OCA2: variants seen among roughly 807,000 people sequenced by gnomAD.
OCA2 encodes the protein OCA2 melanosomal transmembrane protein, also known as P protein.
Under a neutral mutation model 100.2 loss-of-function variants are expected in OCA2, and 77 were observed. The ratio of observed to expected loss-of-function variants is 0.77; its 90% CI spans 0.64 to 0.93. OCA2 has a LOEUF of 0.93. Ranked by LOEUF, OCA2 falls within the 40% of genes least tolerant of loss-of-function variation. OCA2 has a pLI of 0.00. For missense variants in OCA2, 1,062 were observed against 1,089.1 expected (o/e 0.98, Z 0.35); for synonymous variants, 432 against 439.2 (o/e 0.98, Z 0.21).
intron 9 of OCA2, among the ~76,000 whole-genome samples, chr15:27,999,566 T>C (rs2041862710): frequency 1.3e-5 from 2 of 152,196 alleles, no homozygotes; most frequent in South Asian, 4.1e-4. Flanking sequence ...AAGACAAGGA[T>C]GCTCACTCTC....
Position 27,913,890 on chromosome 15 carries a change from A to G in OCA2, c.2079+12237T>C, listed in dbSNP as rs1393656259. 5.9e-3 allele frequency among the ~76,000 whole-genome samples: 309 copies of G among 52,082 alleles called. 51 individuals are homozygous for G. The East Asian group carries it at 0.2, about 34-fold the overall frequency. The allele number at this position is 52,082 out of a possible 152,430, so 34.2% of individuals were successfully genotyped here. ...AAGAAAGAAAGAAAGAAAGAAAGAA[A>G]GAAAGCAAGCAAGCAAGCAAGCAAG... On this transcript the variant is annotated intron_variant, in intron 19 of 23. Transcript: ENST00000354638.
chr15:28,050,337 T>A (rs1348517924), intron 2 of OCA2, among the ~76,000 whole-genome samples: 1 of 151,506 alleles, frequency 6.6e-6, no homozygotes, highest in African/African-American at 2.4e-5. Flanking sequence ...GGCAAGCAGA[T>A]CACCTGAGGT....
At chr15:28,027,113 T>C (rs2042772976) in intron 4 of OCA2, among the ~76,000 whole-genome samples, 1 of 152,198 alleles carries the variant, frequency 6.6e-6, no homozygotes, top group Admixed American at 6.5e-5. Flanking sequence ...CCCTTTCAAA[T>C]GAACGGGCGC....
At chr15:28,073,703 A>G (rs1189182515) in intron 2 of OCA2, among the ~76,000 whole-genome samples, 3 of 152,200 alleles carry the variant, frequency 2.0e-5, no homozygotes, top group Non-Finnish European at 4.4e-5. Flanking sequence ...AACATCACAT[A>G]ATATTCTCAT....
At chr15:27,730,902 G>C in the OCA2 span, among the ~76,000 whole-genome samples, 1 of 151,774 alleles carries the variant, frequency 6.6e-6, no homozygotes, top group East Asian at 1.9e-4. Flanking sequence ...GTGAGTTTTA[G>C]ACTGTTTTTC....
At chr15:27,840,681 AC>A (rs1288785271) in intron 23 of OCA2, among the ~76,000 whole-genome samples, 2 of 152,202 alleles carry the variant, frequency 1.3e-5, no homozygotes, top group African/African-American at 4.8e-5. Context: ...ATTGCACCAA[AC>A]GGTGCTAGAG....
chr15:28,085,288 C>T (rs1285708175), intron 1 of OCA2, among the ~76,000 whole-genome samples: 1 of 152,172 alleles, frequency 6.6e-6, no homozygotes, highest in Non-Finnish European at 1.5e-5. Context: ...CAGCTGCTGC[C>T]TCTGCCTCTT....
chr15:27,859,374 TAAAAG>T (rs966559197), intron 21 of OCA2, among the ~76,000 whole-genome samples: 3 of 152,060 alleles, frequency 2.0e-5, no homozygotes, highest in African/African-American at 7.2e-5. Context: ...AAAAGGATTA[TAAAAG>T]AAAACTATAA....
intron 19 of OCA2, among the ~76,000 whole-genome samples, chr15:27,884,839 G>C (rs777305565): frequency 5.3e-5 from 8 of 152,102 alleles, no homozygotes; most frequent in Non-Finnish European, 1.0e-4. Context: ...TGCTAAGGGA[G>C]TATTTTCTCT....
chr15:27,900,941 C>T (rs559039653), intron 19 of OCA2, among the ~76,000 whole-genome samples: 4 of 152,274 alleles, frequency 2.6e-5, no homozygotes, highest in Middle Eastern at 3.4e-3. Flanking sequence ...GTCAGGGGAA[C>T]GTGGCATTAA....
intron 23 of OCA2, among the ~76,000 whole-genome samples, chr15:27,805,370 C>T (rs1566977317): frequency 6.6e-6 from 1 of 152,230 alleles, no homozygotes; most frequent in Admixed American, 6.5e-5. Context: ...GGCTGGGCTG[C>T]GAGGCAGCGA....
intron 19 of OCA2, among the ~76,000 whole-genome samples, chr15:27,890,066 T>C (rs2037392253): frequency 1.3e-5 from 2 of 152,316 alleles, no homozygotes; most frequent in African/African-American, 4.8e-5. Flanking sequence ...AGCTTCTTGA[T>C]ATGCACTCAA....
At chr15:27,771,625 G>C (rs2031874868) in intron 23 of OCA2, among the ~76,000 whole-genome samples, 1 of 152,188 alleles carries the variant, frequency 6.6e-6, no homozygotes, top group African/African-American at 2.4e-5. Context: ...AGTATCCATT[G>C]GTTCCACTAG....
intron 9 of OCA2, among the ~76,000 whole-genome samples, chr15:28,009,288 T>A (rs1212282479): frequency 6.6e-6 from 1 of 152,208 alleles, no homozygotes; most frequent in Admixed American, 6.5e-5. Context: ...CTATAAAAAA[T>A]TTATATTTGC....
chr15:27,941,873 G>C (rs2140502064), intron 18 of OCA2, among the ~76,000 whole-genome samples: 1 of 152,270 alleles, frequency 6.6e-6, no homozygotes, highest in Non-Finnish European at 1.5e-5. Context: ...TAGTAAAAGA[G>C]CATTTCATAA....
At chr15:27,748,540 C>T in the OCA2 span, among the ~76,000 whole-genome samples, 3 of 152,082 alleles carry the variant, frequency 2.0e-5, no homozygotes, top group Non-Finnish European at 2.9e-5. Flanking sequence ...GACCTTTGTG[C>T]CAAACCTGAA....
intron 23 of OCA2, among the ~76,000 whole-genome samples, chr15:27,797,704 G>A (rs1376119485): frequency 1.3e-5 from 2 of 152,176 alleles, no homozygotes; most frequent in African/African-American, 4.8e-5. Flanking sequence ...CTCTGAAGCT[G>A]GATGAAAACG....
rs1201274469 is a variant in OCA2 at position 27,785,742 on chromosome 15, A to T, written c.2433-30270T>A. ...TGTTCCCACAATCCCACTTCTGGGT[A>T]TATACCCCAGTGAAATGAAAGCAGG... On this transcript the variant is annotated intron_variant, in intron 23 of 23. Transcript: ENST00000354638. Among the ~76,000 whole-genome samples the T allele has an allele frequency of 3.9e-5, 6 of 152,306 alleles. No individual in the cohort carries two copies. The East Asian group carries it at 1.2e-3, about 29-fold the overall frequency.
At chr15:28,049,565 C>T (rs2043446112) in intron 2 of OCA2, among the ~76,000 whole-genome samples, 1 of 152,094 alleles carries the variant, frequency 6.6e-6, no homozygotes, top group Non-Finnish European at 1.5e-5. Flanking sequence ...TGGAAACAAC[C>T]CATGTCTATC....
Sources: gnomAD v4.1 joint callset for allele counts (sites outside exome capture counted in the v4.1 genomes callset) on GRCh38, gnomAD v4.1.1 for gene constraint, MANE v1.5 for transcripts, NCBI Gene and HGNC (gene_info 2026-07-23, HGNC 2026-07-21) for gene names.